The following TUBD1 variants were observed in gnomAD, a reference collection of about 807,000 sequenced individuals.
TUBD1 encodes the protein tubulin delta 1.
TUBD1 carries 38 observed loss-of-function variants against 51.2 expected under a neutral mutation model. That is an observed-to-expected ratio of 0.74 (90% CI 0.57 to 0.97). The LOEUF is 0.97. Ranked by LOEUF, TUBD1 falls within the 50% of genes least tolerant of loss-of-function variation. The pLI, the probability that TUBD1 is intolerant of heterozygous loss-of-function variation, is 0.00. For missense variants in TUBD1, 489 were observed against 538.4 expected (o/e 0.91, Z 0.91); for synonymous variants, 169 against 178.2 (o/e 0.95, Z 0.41).
chr17:59,872,743 G>C (rs1385289402), intron 6 of TUBD1, among the ~76,000 whole-genome samples: 1 of 140,328 alleles, frequency 7.1e-6, no homozygotes, highest in Non-Finnish European at 1.5e-5. Flanking sequence ...TGTGTGTAGA[G>C]GGGGTGTAAG....
In TUBD1 at chr17:59,866,462, C is replaced by CT. The variant is rs2039704362; in HGVS notation, c.1075+146dup. Reference sequence around the variant, plus strand: ...ATATTGGTGTCTAGTCACATACTAACTGATGCCATGGTCAAATTTTGCCAC... The same window carrying CT: ...ATATTGGTGTCTAGTCACATACTAACTTGATGCCATGGTCAAATTTTGCCAC... On this transcript the variant is annotated intron_variant, in intron 7 of 8. Coordinates refer to ENST00000325752, the MANE Select transcript of TUBD1 (RefSeq NM_016261.4). 10 of 883,590 alleles carry CT rather than the reference C, an allele frequency of 1.1e-5. No individual in the cohort carries two copies. The South Asian group carries it at 1.6e-4, about 14-fold the overall frequency. 54.7% of individuals were successfully genotyped at this position (883,590 alleles called of 1,614,324 possible). A position where few individuals can be genotyped will look rare whatever the true frequency, so the allele number is the denominator to read the frequency against.
intron 2 of TUBD1, among the ~76,000 whole-genome samples, 180 bp downstream of exon 2, chr17:59,890,651 C>A (rs1434540231): frequency 6.6e-6 from 1 of 152,160 alleles, no homozygotes; most frequent in Non-Finnish European, 1.5e-5. Flanking sequence ...GAGATCTGAG[C>A]ATGCAGAAGG....
chr17:59,862,189 G>A (rs147967681), intron 8 of TUBD1, among the ~76,000 whole-genome samples: 67 of 151,504 alleles, frequency 4.4e-4, no homozygotes, highest in African/African-American at 1.6e-3. Flanking sequence ...TCGGTGTAGT[G>A]GTGCATGCCT....
intron 6 of TUBD1, among the ~76,000 whole-genome samples, chr17:59,872,471 A>G (rs1439152324): frequency 1.3e-5 from 2 of 152,166 alleles, no homozygotes; most frequent in African/African-American, 2.4e-5. Context: ...AATAAATATA[A>G]TGATTAACAA....
At chr17:59,863,871 G>A (rs761725150) in intron 7 of TUBD1, 24 bp from the exon 8 acceptor site, 19 of 1,438,768 alleles carry the variant, frequency 1.3e-5, no homozygotes, top group Admixed American at 5.4e-5. Context: ...AAGATAAGCC[G>A]TCTTTTTATA....
At chr17:59,885,427 T>C in intron 3 of TUBD1, 1 of 1,268,916 alleles carries the variant, frequency 7.9e-7, no homozygotes, top group South Asian at 1.2e-5. Context: ...ATTCATGTTC[T>C]GGGTGGGGGA....
intron 4 of TUBD1, among the ~76,000 whole-genome samples, chr17:59,880,378 G>C (rs1180284530): frequency 6.6e-6 from 1 of 151,424 alleles, no homozygotes; most frequent in East Asian, 2.0e-4. Context: ...TTAAATGCAA[G>C]GATACCTCAT....
chr17:59,878,180 A>G lies in TUBD1; in HGVS notation c.692T>C (p.Leu231Pro). 1 of 1,614,154 alleles carries G rather than the reference A, an allele frequency of 6.2e-7. No individual in the cohort carries two copies. The highest frequency in any genetic ancestry group is 8.5e-7 in the Non-Finnish European group (1 of 1,180,036). ...QISFSDINQV[L>P]AHQLGSVFQP... ...GAACACACTTCCCAGCTGATGTGCGAGGACTTGATTGATATCACTAAAGGA... is the reference window on the plus strand; with the variant it reads ...GAACACACTTCCCAGCTGATGTGCGGGGACTTGATTGATATCACTAAAGGA... The change falls in exon 5 of 9, where the codon CTC becomes CCC. Residue 231 changes from leucine to proline, a missense_variant. Coordinates refer to ENST00000325752, the MANE Select transcript of TUBD1 (RefSeq NM_016261.4).
intron 4 of TUBD1, chr17:59,878,554 T>C: frequency 2.2e-6 from 1 of 454,830 alleles, no homozygotes; most frequent in Non-Finnish European, 4.0e-6. Context: ...GCACCATCTC[T>C]GCTCACTGCA....
chr17:59,890,786 G>T (rs2040963848), intron 2 of TUBD1, 45 bp downstream of exon 2: 2 of 1,488,286 alleles, frequency 1.3e-6, no homozygotes, highest in Non-Finnish European at 9.0e-7. Context: ...CTTTGAAGGG[G>T]TTGGTTAGAT....
At chr17:59,860,558 TTTG>T (rs1296502521) in intron 8 of TUBD1, 134 bp from the exon 9 acceptor site, 3 of 616,796 alleles carry the variant, frequency 4.9e-6, no homozygotes, top group Non-Finnish European at 8.4e-6. Context: ...AAGTCTTACA[TTTG>T]CTTTGTTTAC....
chr17:59,880,761 G>A (rs895055200), intron 4 of TUBD1, 133 bp downstream of exon 4: 39 of 772,578 alleles, frequency 5.0e-5, no homozygotes, highest in Middle Eastern at 2.6e-4. Flanking sequence ...CGATCCGCCC[G>A]CCTTGGCCTC....
intron 7 of TUBD1, among the ~76,000 whole-genome samples, chr17:59,864,408 A>C (rs945395402): frequency 1.8e-4 from 28 of 151,946 alleles, no homozygotes; most frequent in Admixed American, 1.8e-3. Context: ...AGCCTCCCAA[A>C]GTGCTAGGAT....
At position 59,882,589 on chromosome 17, in the gene TUBD1, C is replaced by A. The variant is rs550862175; in HGVS notation, c.321-1479G>T. 2.6e-5 allele frequency among the ~76,000 whole-genome samples: 4 copies of A among 151,698 alleles called. No homozygotes were observed. The South Asian group carries it at 8.3e-4, about 32-fold the overall frequency. On this transcript the variant is annotated intron_variant, in intron 3 of 8. Transcript: ENST00000325752. ...GGTATTAGCCACGGCACCTGGCACC[C>A]CCCATCCCACATCTTTTTTCCTTTT... is the stretch of plus-strand genomic sequence containing the variant.
At chr17:59,878,955 G>T (rs1340981187) in intron 4 of TUBD1, among the ~76,000 whole-genome samples, 1 of 152,068 alleles carries the variant, frequency 6.6e-6, no homozygotes, top group Non-Finnish European at 1.5e-5. Context: ...CTTCAGCTAG[G>T]TTGATCAACA....
At position 59,880,921 on chromosome 17, in the gene TUBD1, C is replaced by G. The variant is rs760483105; in HGVS notation, c.510G>C (p.Gln170His). The G allele has an allele frequency of 1.1e-5, 17 of 1,613,954 alleles. No individual in the cohort carries two copies. Among genetic ancestry groups the G allele is most frequent in the Non-Finnish European group, 1.0e-5 (12 of 1,179,992 alleles). ...CACCAGTTCCATAAGGCCAAATAAT[C>G]TGATTCATTTTCAATGAGTTTGAGT... ...DQYSNSLKMN[Q>H]IIWPYGTGEV... The change falls in exon 4 of 9, where the codon CAG becomes CAC. Residue 170 changes from glutamine (Q) to histidine (H), a missense_variant. Gln to His is a conservative substitution (Grantham distance 24). Transcript: ENST00000325752.
rs2039576956 is a variant in TUBD1 at position 59,863,849 on chromosome 17, TA to T, written c.1076-3del. 1 of 1,506,130 alleles carries T rather than the reference TA, an allele frequency of 6.6e-7. No homozygotes were observed. The highest frequency in any genetic ancestry group is 1.4e-5 in the African/African-American group (1 of 69,850). 93.3% of individuals were successfully genotyped at this position (1,506,130 alleles called of 1,614,324 possible). The stretch of plus-strand genomic sequence containing the variant: ...ACAGAGCTGGATCTTTAAATCCCTC[TA>T]GAGTAAAAACAAGATAAGCCGTCTT... On this transcript the variant is annotated splice_polypyrimidine_tract_variant and splice_region_variant and intron_variant, in intron 7 of 8. Coordinates refer to ENST00000325752, the MANE Select transcript of TUBD1 (RefSeq NM_016261.4).
At position 59,860,331 on chromosome 17, in the gene TUBD1, A is replaced by C; in HGVS notation, c.1353T>G (p.Cys451Trp). Residue 451 changes from cysteine to tryptophan, a missense_variant, in exon 9 of 9, where the codon TGT becomes TGG. Coordinates refer to ENST00000325752, the MANE Select transcript of TUBD1 (RefSeq NM_016261.4). ...TTCCCATTGTTCAAGATCAGAGATTACAGTAACTGGCAACAACCTGCTCTA... is the reference window on the plus strand; with the variant it reads ...TTCCCATTGTTCAAGATCAGAGATTCCAGTAACTGGCAACAACCTGCTCTA... The part of the protein sequence containing the change: ...TSLEQVVASY[C>W]NL 1 of 1,606,280 alleles carries C rather than the reference A, an allele frequency of 6.2e-7. No individual in the cohort carries two copies. The highest frequency in any genetic ancestry group is 1.1e-5 in the South Asian group (1 of 89,692).
At position 59,874,723 on chromosome 17, in the gene TUBD1, T is replaced by C; in HGVS notation, c.770-20A>G. 1 of 1,591,030 alleles carries C rather than the reference T, an allele frequency of 6.3e-7. No individual in the cohort carries two copies. Among genetic ancestry groups the C allele is most frequent in the Non-Finnish European group, 8.5e-7 (1 of 1,171,488 alleles). On this transcript the variant is annotated intron_variant, in intron 5 of 8. Transcript: ENST00000325752. ...AGTCTCCTGTAAAGAAAAAAAAATC[T>C]GAACTAATTTTTTTTTATTCTACAT...
Sources: gnomAD v4.1 joint callset for allele counts (sites outside exome capture counted in the v4.1 genomes callset) on GRCh38, gnomAD v4.1.1 for gene constraint, MANE v1.5 for transcripts, NCBI Gene and HGNC (gene_info 2026-07-23, HGNC 2026-07-21) for gene names.